The following LIMCH1 variants were observed in gnomAD, a reference collection of about 807,000 sequenced individuals.
LIMCH1 encodes the protein LIM and calponin homology domains 1.
A neutral mutation model predicts 176.5 loss-of-function variants in LIMCH1; 113 were observed. The ratio of observed to expected loss-of-function variants is 0.64; its 90% CI spans 0.55 to 0.75. LIMCH1 has a LOEUF of 0.75. LIMCH1 is among the 30% of genes least tolerant of loss of function. LIMCH1 has a pLI of 0.00. For missense variants in LIMCH1, 1,674 were observed against 1,814.9 expected, an observed-to-expected ratio of 0.92 and a Z score of 1.41; for synonymous variants, 619 against 645.9, an observed-to-expected ratio of 0.96 and a Z score of 0.63.
At chr4:41,664,569 C>T (rs189709352) in intron 20 of LIMCH1, among the ~76,000 whole-genome samples, 222 of 152,288 alleles carry the variant, frequency 1.5e-3, no homozygotes, top group Non-Finnish European at 2.6e-3. Flanking sequence ...TTGCAGGTTT[C>T]GTTTTATCAG....
intron 2 of LIMCH1, among the ~76,000 whole-genome samples, chr4:41,523,170 T>A (rs1472024044): frequency 6.6e-6 from 1 of 152,366 alleles, no homozygotes; most frequent in East Asian, 1.9e-4. Flanking sequence ...AAAATTTTTG[T>A]TACTGATCTG....
At chr4:41,474,981 T>TA (rs1016331340) in intron 1 of LIMCH1, among the ~76,000 whole-genome samples, 2,854 of 147,424 alleles carry the variant, frequency 0.019, 83 homozygotes, top group African/African-American at 0.067. Context: ...TATTCAGCCT[T>TA]AAAAAAAAAA....
At chr4:41,690,761 A>G (rs187903381) in intron 30 of LIMCH1, among the ~76,000 whole-genome samples, 116 of 152,330 alleles carry the variant, frequency 7.6e-4, no homozygotes, top group Admixed American at 1.5e-3. Context: ...CATAGACAAA[A>G]CACAGCATAG....
intron 1 of LIMCH1, among the ~76,000 whole-genome samples, chr4:41,429,725 A>G (rs2061427659): frequency 6.6e-6 from 1 of 152,226 alleles, no homozygotes; most frequent in Non-Finnish European, 1.5e-5. Context: ...ATGCTGCAGT[A>G]ACAAATGATA....
chr4:41,633,203 G>A (rs962891964), intron 12 of LIMCH1, 118 bp downstream of exon 12: 13 of 712,796 alleles, frequency 1.8e-5, no homozygotes, highest in Admixed American at 1.6e-4. Flanking sequence ...ATAGAGCGTG[G>A]AGTAAAGTCA....
At chr4:41,379,004 A>G (rs149245594) in intron 1 of LIMCH1, among the ~76,000 whole-genome samples, 1 of 152,240 alleles carries the variant, frequency 6.6e-6, no homozygotes, top group Non-Finnish European at 1.5e-5. Flanking sequence ...ATACTTGTCA[A>G]GAAAACTGTT....
chr4:41,476,310 T>G (rs1561488785), intron 1 of LIMCH1, among the ~76,000 whole-genome samples: 1 of 152,252 alleles, frequency 6.6e-6, no homozygotes, highest in Admixed American at 6.5e-5. Context: ...TCCTGTAATT[T>G]CAAGAGGATA....
rs1454823151 is a variant in LIMCH1, at chr4:41,626,873, G to A, written c.891G>A (p.Arg297=). 6.5e-7 allele frequency: 1 copy of A among 1,536,120 alleles called. No individual in the cohort carries two copies. Among genetic ancestry groups the A allele is most frequent in the East Asian group, 2.4e-5 (1 of 40,912 alleles). Residue 297 remains arginine, a synonymous_variant, in exon 8 of 32, where the codon AGG becomes AGA. Coordinates refer to ENST00000503057, the MANE Select transcript of LIMCH1 (RefSeq NM_001330672.2). ...EKDDFAARRA[R]MNQTKPMVPL... is the part of the protein sequence containing the mutation. ...ATGACTTTGCTGCAAGGAGAGCAAG[G>A]ATGAACCAAACCAAGCCAATGGTGC...
chr4:41,507,768 T>C (rs2074362247), intron 2 of LIMCH1, among the ~76,000 whole-genome samples: 1 of 151,206 alleles, frequency 6.6e-6, no homozygotes. Flanking sequence ...TCTTCCTTTA[T>C]CCAACTGACC....
chr4:41,391,661 G>A (rs2057254966), intron 1 of LIMCH1, among the ~76,000 whole-genome samples: 1 of 152,158 alleles, frequency 6.6e-6, no homozygotes, highest in African/African-American at 2.4e-5. Context: ...TCATGACATA[G>A]CATCAGACAA....
At chr4:41,391,238 T>G (rs1421677808) in intron 1 of LIMCH1, among the ~76,000 whole-genome samples, 2 of 152,214 alleles carry the variant, frequency 1.3e-5, no homozygotes, top group African/African-American at 4.8e-5. Context: ...CTCTAGTTTC[T>G]TCATTTGTGT....
intron 1 of LIMCH1, among the ~76,000 whole-genome samples, chr4:41,370,050 T>C (rs1294699563): frequency 1.3e-5 from 2 of 151,838 alleles, no homozygotes; most frequent in Admixed American, 6.6e-5. Flanking sequence ...CTGTTGGCCC[T>C]TGGGTGAAGA....
chr4:41,419,417 G>A (rs1000563320), intron 1 of LIMCH1, among the ~76,000 whole-genome samples: 3 of 151,870 alleles, frequency 2.0e-5, no homozygotes, highest in East Asian at 1.9e-4. Flanking sequence ...TTTGTGATCC[G>A]CCCACCTCGG....
intron 1 of LIMCH1, among the ~76,000 whole-genome samples, chr4:41,547,118 G>A (rs1284704461): frequency 6.6e-6 from 1 of 152,188 alleles, no homozygotes; most frequent in East Asian, 1.9e-4. Flanking sequence ...GATCAAATCA[G>A]GCTAATTAAC....
At chr4:41,379,954 A>G (rs1283565346) in intron 1 of LIMCH1, among the ~76,000 whole-genome samples, 1 of 152,036 alleles carries the variant, frequency 6.6e-6, no homozygotes, top group Non-Finnish European at 1.5e-5. Flanking sequence ...GTGCACTACC[A>G]CACCTGGCTA....
At chr4:41,591,692 A>G (rs981333469) in intron 1 of LIMCH1, among the ~76,000 whole-genome samples, 1 of 152,214 alleles carries the variant, frequency 6.6e-6, no homozygotes, top group Non-Finnish European at 1.5e-5. Flanking sequence ...CTTTATATGT[A>G]TATATTGCAT....
intron 2 of LIMCH1, among the ~76,000 whole-genome samples, chr4:41,523,629 T>G (rs1411178752): frequency 2.0e-5 from 3 of 152,234 alleles, no homozygotes; most frequent in Non-Finnish European, 4.4e-5. Context: ...ATACTACACT[T>G]TACCCAATTA....
chr4:41,650,715 G>A, intron 18 of LIMCH1, 107 bp downstream of exon 18: 1 of 977,020 alleles, frequency 1.0e-6, no homozygotes. Flanking sequence ...TTCTATGTTG[G>A]CGTATTAGTT....
At chr4:41,652,088 G>T (rs938428029) in intron 18 of LIMCH1, among the ~76,000 whole-genome samples, 2 of 152,160 alleles carry the variant, frequency 1.3e-5, no homozygotes, top group African/African-American at 2.4e-5. Context: ...AAACTATCAA[G>T]ATATTTTCCC....
Sources: gnomAD v4.1 joint callset for allele counts (sites outside exome capture counted in the v4.1 genomes callset) on GRCh38, gnomAD v4.1.1 for gene constraint, MANE v1.5 for transcripts, NCBI Gene and HGNC (gene_info 2026-07-23, HGNC 2026-07-21) for gene names.